The following SHF variants were observed in gnomAD, a reference collection of about 807,000 sequenced individuals.
SHF encodes SH2 domain-containing adapter protein F.
Under a neutral mutation model 42.4 loss-of-function variants are expected in SHF, and 30 were observed. The observed-to-expected ratio is 0.71, with a 90% CI of 0.53 to 0.96. The LOEUF (loss-of-function observed/expected upper bound fraction) is 0.96, where lower values mean the gene tolerates loss of function less well. Among genes scored for constraint, SHF ranks in the 40% least tolerant of loss-of-function variants. The probability of loss-of-function intolerance (pLI) is 0.00; values close to 1 mark genes in which losing one functional copy is unlikely to be tolerated. For missense variants in SHF, 598 were observed against 634.0 expected (o/e 0.94, Z 0.61); for synonymous variants, 264 against 269.9 (o/e 0.98, Z 0.21).
chr15:45,198,855 GC>G lies in SHF; in HGVS notation c.219del (p.Pro74GlnfsTer29). On this transcript the variant is annotated frameshift_variant, in exon 2 of 8. Coordinates refer to the SHF transcript ENST00000290894. LOFTEE classifies it high-confidence loss of function. Reference sequence around the variant, plus strand: ...CAGTTGCTTTTCTTCTTCTGTTTTGGCCCATTAGCCACGGGCTGTGGTGATG... The same window carrying G: ...CAGTTGCTTTTCTTCTTCTGTTTTGGCCATTAGCCACGGGCTGTGGTGATG... 1 of 1,614,000 alleles carries G rather than the reference GC, an allele frequency of 6.2e-7. No individual in the cohort carries two copies. The highest frequency in any genetic ancestry group is 2.2e-5 in the East Asian group (1 of 44,880).
At chr15:45,175,106 G>T in intron 3 of SHF, 113 bp downstream of exon 3, 1 of 1,165,538 alleles carries the variant, frequency 8.6e-7, no homozygotes, top group Non-Finnish European at 1.2e-6. Context: ...ACATTTCCCT[G>T]GAGTCCTGAT....
intron 4 of SHF, among the ~76,000 whole-genome samples, 193 bp downstream of exon 4, chr15:45,173,383 C>G (rs1174347511): frequency 6.6e-6 from 1 of 152,154 alleles, no homozygotes; most frequent in South Asian, 2.1e-4. Context: ...TAGAAAGGGG[C>G]CTCCCTGTAG....
chr15:45,198,544 TA>T (rs1213615143), intron 2 of SHF: 1 of 521,360 alleles, frequency 1.9e-6, no homozygotes, highest in Non-Finnish European at 3.3e-6. Flanking sequence ...ACGATTTATA[TA>T]AAATGTTACA....
At chr15:45,172,431 G>C (rs1897556343) in intron 4 of SHF, 113 bp from the exon 5 acceptor site, 1 of 1,211,136 alleles carries the variant, frequency 8.3e-7, no homozygotes, top group Non-Finnish European at 1.1e-6. Context: ...AGGATCAAAG[G>C]AATGCTCTAG....
rs1897297051 is a variant in SHF, at chr15:45,167,771, C to A, written c.*176G>T. 1.9e-6 allele frequency: 1 copy of A among 523,330 alleles called. No individual in the cohort carries two copies. The highest frequency in any genetic ancestry group is 4.2e-5 in the Admixed American group (1 of 23,914). The allele number at this position is 523,330 out of a possible 1,614,324, so 32.4% of individuals were successfully genotyped here. ...TTCCCCAGCTCCAGACAACCCCTTA[C>A]TCCAAGGCCCCAGGAGCCCTTTCCC... On this transcript the variant is annotated 3_prime_UTR_variant, in exon 7 of 7. Coordinates refer to ENST00000690270, the MANE Select transcript of SHF (RefSeq NM_001394037.1).
At chr15:45,196,655 T>C (rs932711731) in intron 2 of SHF, among the ~76,000 whole-genome samples, 1 of 151,852 alleles carries the variant, frequency 6.6e-6, no homozygotes, top group African/African-American at 2.4e-5. Flanking sequence ...CCCGGCACTT[T>C]GGGAGGCCGA....
At chr15:45,174,630 C>T (rs916616284) in intron 3 of SHF, among the ~76,000 whole-genome samples, 4 of 152,202 alleles carry the variant, frequency 2.6e-5, no homozygotes, top group Admixed American at 1.3e-4. Flanking sequence ...TTGCTCCACC[C>T]ACCTCAGACC....
intron 1 of SHF, among the ~76,000 whole-genome samples, chr15:45,178,823 G>C (rs371744417): frequency 1.3e-5 from 2 of 152,140 alleles, no homozygotes; most frequent in African/African-American, 4.8e-5. Context: ...GTGAGCCACC[G>C]CGCCCGGCCC....
rs182200508 is a variant in SHF, at chr15:45,195,574, T to A, written c.303+3198A>T. Among the ~76,000 whole-genome samples the A allele has an allele frequency of 1.3e-3, 194 of 152,300 alleles. 2 individuals are homozygous for A. Among genetic ancestry groups the A allele is most frequent in the South Asian group, 6.6e-3 (32 of 4,820 alleles). ...TTCTTTTATTTAAAGTCTATTTTTT[T>A]AAATAAATTTAATACAGCACCAGAG... is the stretch of plus-strand genomic sequence containing the variant. On this transcript the variant is annotated intron_variant, in intron 2 of 7. Transcript: ENST00000290894.
chr15:45,181,915 G>A (rs1898147939), intron 1 of SHF, among the ~76,000 whole-genome samples: 1 of 152,210 alleles, frequency 6.6e-6, no homozygotes, highest in African/African-American at 2.4e-5. Flanking sequence ...TAGCCAGAAT[G>A]CTGCTGAAAT....
intron 1 of SHF, among the ~76,000 whole-genome samples, chr15:45,199,552 C>T (rs1898998139): frequency 1.3e-5 from 2 of 152,192 alleles, no homozygotes; most frequent in African/African-American, 4.8e-5. Flanking sequence ...CCTCCTCACC[C>T]TCACCCCTAG....
chr15:45,172,217 G>T lies in SHF; in HGVS notation c.1090C>A (p.Pro364Thr), dbSNP rs377113933. The change falls in exon 5 of 7, where the codon CCC becomes ACC. Residue 364 changes from proline (P) to threonine (T), a missense_variant. By Grantham distance (38) the Pro-to-Thr change is conservative. Coordinates refer to ENST00000690270, the MANE Select transcript of SHF (RefSeq NM_001394037.1). ...LSAGNPKSAK[P>T]LSMEPSSPLG... ...GGGCTGCTGGGCTCCATGCTTAGGG[G>T]TTTGGCTGACTTGGGGTTCCCTGCA... The T allele has an allele frequency of 3.7e-6, 6 of 1,613,796 alleles. No individual in the cohort carries two copies. In the African/African-American group the frequency reaches 4.0e-5, roughly 11 times the overall value.
chr15:45,181,954 GCTA>G (rs1448860664), intron 1 of SHF, among the ~76,000 whole-genome samples: 2 of 152,202 alleles, frequency 1.3e-5, no homozygotes, highest in Non-Finnish European at 2.9e-5. Flanking sequence ...TAGTAAAGTA[GCTA>G]CTACCCAGAG....
intron 6 of SHF, chr15:45,170,185 T>C (rs1897398453): frequency 2.9e-6 from 1 of 339,138 alleles, no homozygotes; most frequent in African/African-American, 2.2e-5. Flanking sequence ...TGGAATACCA[T>C]AGTTTGTGGA....
At chr15:45,200,976 C>T (rs575993741) in exon 1 of SHF, 1 of 402,434 alleles carries the variant, frequency 2.5e-6, no homozygotes, top group East Asian at 7.2e-5. Context: ...GTGCGTACAG[C>T]CAAGAGGAGA....
At chr15:45,176,385 T>C (rs1897809699) in intron 2 of SHF, among the ~76,000 whole-genome samples, 2 of 150,622 alleles carry the variant, frequency 1.3e-5, no homozygotes, top group African/African-American at 2.5e-5. Flanking sequence ...TGTGGCCTCC[T>C]GTACCACTTC....
chr15:45,193,728 C>T (rs182303076), intron 2 of SHF, among the ~76,000 whole-genome samples: 58 of 152,214 alleles, frequency 3.8e-4, no homozygotes, highest in African/African-American at 1.2e-3. Context: ...CAGTGGCTCA[C>T]GCCTATAATC....
At chr15:45,199,208 C>T in intron 1 of SHF, 3 of 978,336 alleles carry the variant, frequency 3.1e-6, no homozygotes, top group African/African-American at 1.7e-5. Flanking sequence ...TCTCATACTC[C>T]CCTGACAGCC....
chr15:45,168,015 G>A lies in SHF; in HGVS notation c.1399C>T (p.Arg467Cys), dbSNP rs776103057. The A allele has an allele frequency of 5.0e-6, 8 of 1,613,594 alleles. No individual in the cohort carries two copies. Among genetic ancestry groups the A allele is most frequent in the East Asian group, 2.2e-5 (1 of 44,864 alleles). Residue 467 changes from arginine (R) to cysteine (C), a missense_variant, in exon 7 of 7, where the codon CGC becomes TGC. This residue lies in a region of SHF where 439 missense variants were observed against 524.6 expected (regional missense o/e 0.84). Transcript: ENST00000690270. ...TCGGCTCCCTTAATGGGTAGCTTGC[G>A]GCTGGCATAGTGGTGCACAATTTCA... ...VPEIVHHYASRKLPIKGAEHM... is the reference protein window; with the variant it reads ...VPEIVHHYASCKLPIKGAEHM...
Sources: allele counts gnomAD v4.1 joint callset (sites outside exome capture counted in the v4.1 genomes callset), GRCh38; gene constraint gnomAD v4.1.1; regional missense constraint gnomAD v4.1.1; transcripts MANE v1.5; gene names NCBI Gene and HGNC (gene_info 2026-07-23, HGNC 2026-07-21).